INPP4B: variants seen among roughly 807,000 people sequenced by gnomAD.
INPP4B encodes inositol polyphosphate-4-phosphatase type II B.
INPP4B carries 55 observed loss-of-function variants against 122.5 expected under a neutral mutation model. The ratio of observed to expected loss-of-function variants is 0.45; its 90% CI spans 0.36 to 0.56. The LOEUF (loss-of-function observed/expected upper bound fraction) is 0.56, where lower values mean the gene tolerates loss of function less well. Ranked by LOEUF, INPP4B falls within the 20% of genes least tolerant of loss-of-function variation. The pLI is 0.00. For missense variants in INPP4B, 1,000 were observed against 1,097.7 expected, an observed-to-expected ratio of 0.91 and a Z score of 1.26; for synonymous variants, 403 against 388.7, an observed-to-expected ratio of 1.04 and a Z score of -0.43.
intron 2 of INPP4B, among the ~76,000 whole-genome samples, chr4:142,671,934 G>A (rs973492327): frequency 3.9e-5 from 6 of 151,904 alleles, no homozygotes; most frequent in South Asian, 2.1e-4. Context: ...CTCTATTCTC[G>A]ATGCCTAGCA....
rs187278109 is a variant in INPP4B at position 142,241,902 on chromosome 4, C to T, written c.689-3891G>A. Among the ~76,000 whole-genome samples the T allele has an allele frequency of 2.7e-3, 409 of 152,264 alleles. 5 individuals are homozygous for T. Among genetic ancestry groups the T allele is most frequent in the African/African-American group, 8.4e-3 (347 of 41,556 alleles). ...GCTAATCTGTGATTATCTTCACACA[C>T]TTTCTTGCTTCCAGTACACGATAGA... On this transcript the variant is annotated intron_variant, in intron 11 of 25. Transcript: ENST00000262992.
chr4:142,614,405 A>G (rs970796183), intron 2 of INPP4B, among the ~76,000 whole-genome samples: 7 of 152,204 alleles, frequency 4.6e-5, no homozygotes, highest in Admixed American at 1.3e-4. Context: ...AGATAGATTA[A>G]AAACCTAAAT....
intron 2 of INPP4B, among the ~76,000 whole-genome samples, chr4:142,567,401 T>C (rs1308250053): frequency 6.6e-6 from 1 of 152,056 alleles, no homozygotes; most frequent in Non-Finnish European, 1.5e-5. Context: ...TAGTCACTCT[T>C]CCAGTAGTTC....
chr4:142,562,670 C>A (rs548386912), intron 2 of INPP4B, among the ~76,000 whole-genome samples: 3 of 148,948 alleles, frequency 2.0e-5, no homozygotes, highest in South Asian at 2.1e-4. Context: ...TTAAAGAAAA[C>A]AAAAGATTTA....
intron 12 of INPP4B, among the ~76,000 whole-genome samples, chr4:142,225,039 C>T (rs1003439474): frequency 6.6e-6 from 1 of 151,954 alleles, no homozygotes; most frequent in South Asian, 2.1e-4. Context: ...CTGGCTGTTA[C>T]CAGAAGAGTT....
intron 25 of INPP4B, among the ~76,000 whole-genome samples, chr4:142,037,251 A>C (rs1049333939): frequency 1.3e-5 from 2 of 152,202 alleles, no homozygotes; most frequent in Admixed American, 6.5e-5. Flanking sequence ...TTTTAAACAC[A>C]TCACTGCCTA....
chr4:142,562,855 T>C (rs4975312), intron 2 of INPP4B, among the ~76,000 whole-genome samples: 47,359 of 151,966 alleles, frequency 0.31, 8,547 homozygotes, highest in East Asian at 0.79. Flanking sequence ...TATTTTTTTT[T>C]CTAAGGTGGA....
chr4:142,838,372 A>G (rs1783082810), intron 1 of INPP4B, among the ~76,000 whole-genome samples: 2 of 152,028 alleles, frequency 1.3e-5, no homozygotes, highest in African/African-American at 4.8e-5. Context: ...AGGAAAAAAA[A>G]AGAAAGAAAT....
At chr4:142,834,368 CTT>C (rs1347454508) in intron 1 of INPP4B, among the ~76,000 whole-genome samples, 2 of 152,128 alleles carry the variant, frequency 1.3e-5, no homozygotes, top group Non-Finnish European at 2.9e-5. Context: ...CTACAACAGA[CTT>C]TTTAAAAACT....
chr4:142,061,458 A>G (rs1409785271), intron 25 of INPP4B, among the ~76,000 whole-genome samples: 2 of 152,196 alleles, frequency 1.3e-5, no homozygotes, highest in Non-Finnish European at 2.9e-5. Flanking sequence ...GTAAACAAAC[A>G]TTTTATTCTG....
chr4:142,131,198 G>C (rs1298812378), intron 18 of INPP4B, among the ~76,000 whole-genome samples: 2 of 152,168 alleles, frequency 1.3e-5, no homozygotes, highest in Non-Finnish European at 2.9e-5. Context: ...GGGTATTTAA[G>C]AATAAGCTGC....
At chr4:142,683,413 G>C (rs1439891495) in intron 2 of INPP4B, among the ~76,000 whole-genome samples, 1 of 151,788 alleles carries the variant, frequency 6.6e-6, no homozygotes, top group African/African-American at 2.4e-5. Flanking sequence ...CACCAGACAG[G>C]TTTCCATGTG....
chr4:142,765,875 T>G (rs144548818), intron 1 of INPP4B: 114 of 151,660 alleles, frequency 7.5e-4, no homozygotes, highest in African/African-American at 2.6e-3. Context: ...CAGAACAATG[T>G]AAGTCAATGT....
chr4:142,249,825 C>T (rs78771605), intron 11 of INPP4B, among the ~76,000 whole-genome samples: 5,862 of 152,228 alleles, frequency 0.039, 371 homozygotes, highest in African/African-American at 0.13. Context: ...GTTAGTGTGA[C>T]TTAGGCACCA....
At chr4:142,624,683 G>C (rs556646501) in intron 2 of INPP4B, among the ~76,000 whole-genome samples, 1 of 152,098 alleles carries the variant, frequency 6.6e-6, no homozygotes, top group Admixed American at 6.6e-5. Context: ...CCCCAAAAAA[G>C]AGAATTTTAG....
At chr4:142,583,452 G>A (rs1387282133) in intron 2 of INPP4B, 1 of 152,042 alleles carries the variant, frequency 6.6e-6, no homozygotes, top group Non-Finnish European at 1.5e-5. Flanking sequence ...TTTCCATAAG[G>A]TATCAACCCA....
intron 21 of INPP4B, among the ~76,000 whole-genome samples, chr4:142,121,622 T>C (rs776863867): frequency 6.6e-6 from 1 of 152,124 alleles, no homozygotes; most frequent in African/African-American, 2.4e-5. Flanking sequence ...AGCTATTTAT[T>C]GAAAACCCTT....
chr4:142,460,324 C>G (rs1816439153), intron 3 of INPP4B, among the ~76,000 whole-genome samples: 1 of 152,062 alleles, frequency 6.6e-6, no homozygotes, highest in African/African-American at 2.4e-5. Context: ...TCGCTGAAAA[C>G]AATAATTTAC....
At chr4:142,464,090 G>T (rs1232674175) in intron 2 of INPP4B, among the ~76,000 whole-genome samples, 3 of 152,124 alleles carry the variant, frequency 2.0e-5, no homozygotes, top group African/African-American at 7.2e-5. Context: ...CACAGGTAAA[G>T]AGTAGTATTT....
Sources: gnomAD v4.1 joint callset for allele counts (sites outside exome capture counted in the v4.1 genomes callset) on GRCh38, gnomAD v4.1.1 for gene constraint, MANE v1.5 for transcripts, NCBI Gene and HGNC (gene_info 2026-07-23, HGNC 2026-07-21) for gene names.